Variants in ANTXR1 observed in about 807,000 individuals in gnomAD.
The protein encoded by ANTXR1 is anthrax toxin receptor 1.
A neutral mutation model predicts 78.1 loss-of-function variants in ANTXR1; 19 were observed. That is an observed-to-expected ratio of 0.24 (90% CI 0.17 to 0.36). ANTXR1 has a LOEUF of 0.36. ANTXR1 is among the 10% of genes least tolerant of loss of function. The probability of loss-of-function intolerance (pLI) is 1.00; values close to 1 mark genes in which losing one functional copy is unlikely to be tolerated. For missense variants in ANTXR1, 518 were observed against 718.6 expected (o/e 0.72, Z 3.19); for synonymous variants, 273 against 260.5 (o/e 1.05, Z -0.46).
At chr2:69,043,815 G>A (rs771381312) in intron 2 of ANTXR1, among the ~76,000 whole-genome samples, 65 of 152,152 alleles carry the variant, frequency 4.3e-4, no homozygotes, top group Non-Finnish European at 8.2e-4. Flanking sequence ...AATTGTAGTG[G>A]TCAGACGATT....
At chr2:69,049,568 C>T (rs1305830201) in intron 3 of ANTXR1, among the ~76,000 whole-genome samples, 1 of 152,160 alleles carries the variant, frequency 6.6e-6, no homozygotes, top group African/African-American at 2.4e-5. Flanking sequence ...CCTCGGCCTT[C>T]CAAAGTGCTG....
intron 1 of ANTXR1, among the ~76,000 whole-genome samples, chr2:69,032,295 T>C (rs1671551513): frequency 6.6e-6 from 1 of 152,198 alleles, no homozygotes; most frequent in Non-Finnish European, 1.5e-5. Context: ...ATCATTGCAG[T>C]GAAGGCAATG....
chr2:69,225,570 AC>A (rs1380574847), intron 17 of ANTXR1, among the ~76,000 whole-genome samples: 6 of 152,190 alleles, frequency 3.9e-5, no homozygotes, highest in African/African-American at 1.4e-4. Context: ...TAGGAAGAAG[AC>A]ACCTCAAGGC....
chr2:69,161,958 T>C (rs1673693526), intron 13 of ANTXR1, among the ~76,000 whole-genome samples: 1 of 152,102 alleles, frequency 6.6e-6, no homozygotes, highest in African/African-American at 2.4e-5. Context: ...AAGACCTTTG[T>C]CATCTAAATA....
chr2:69,090,047 A>G (rs963202761), intron 8 of ANTXR1, among the ~76,000 whole-genome samples: 4 of 152,088 alleles, frequency 2.6e-5, no homozygotes, highest in South Asian at 4.2e-4. Context: ...ACTCAACCCT[A>G]TAAGACTCAT....
rs551617780 is a variant in ANTXR1 at position 69,053,098 on chromosome 2, G to A, written c.296+8285G>A. Among the ~76,000 whole-genome samples, 15 of 152,176 alleles carry A rather than the reference G, an allele frequency of 9.9e-5. No individual in the cohort carries two copies. The South Asian group carries it at 2.7e-3, about 27-fold the overall frequency. On this transcript the variant is annotated intron_variant, in intron 3 of 17. Coordinates refer to ENST00000303714, the MANE Select transcript of ANTXR1 (RefSeq NM_032208.3). The stretch of plus-strand genomic sequence containing the variant: ...TTTTTATATGACTTTATTTCAAAGG[G>A]GGATATTTTCTCAAATTCCTAAAAT...
At chr2:69,060,555 G>A (rs1250980572) in intron 3 of ANTXR1, among the ~76,000 whole-genome samples, 1 of 152,214 alleles carries the variant, frequency 6.6e-6, no homozygotes, top group Non-Finnish European at 1.5e-5. Context: ...AGGTGGTAAG[G>A]TAGAAGGAGA....
At chr2:69,064,505 C>T (rs940061652) in intron 3 of ANTXR1, among the ~76,000 whole-genome samples, 2 of 152,116 alleles carry the variant, frequency 1.3e-5, no homozygotes, top group South Asian at 4.1e-4. Context: ...ACATGCACAG[C>T]CAGTATGGGA....
At chr2:69,188,147 G>T (rs981357230) in intron 16 of ANTXR1, among the ~76,000 whole-genome samples, 3 of 151,342 alleles carry the variant, frequency 2.0e-5, no homozygotes, top group Non-Finnish European at 2.9e-5. Flanking sequence ...TTGTTCTGTC[G>T]CCCAGGCTGT....
chr2:69,108,602 G>T (rs1671884967), intron 10 of ANTXR1, among the ~76,000 whole-genome samples: 1 of 151,974 alleles, frequency 6.6e-6, no homozygotes, highest in Non-Finnish European at 1.5e-5. Flanking sequence ...TATTTTTCCT[G>T]ATCTTCTCTC....
intron 3 of ANTXR1, among the ~76,000 whole-genome samples, chr2:69,054,701 C>G (rs1670020553): frequency 1.3e-5 from 2 of 152,166 alleles, no homozygotes; most frequent in Admixed American, 6.5e-5. Flanking sequence ...GAAGACATCA[C>G]TTGATTCCTG....
chr2:69,188,996 T>C (rs545049334), intron 16 of ANTXR1, among the ~76,000 whole-genome samples: 1 of 152,330 alleles, frequency 6.6e-6, no homozygotes, highest in East Asian at 1.9e-4. Flanking sequence ...TTGAGAGTTA[T>C]TTTTTATTCT....
intron 17 of ANTXR1, among the ~76,000 whole-genome samples, chr2:69,235,717 T>G (rs75226239): frequency 0.034 from 4,937 of 143,590 alleles, 340 homozygotes; most frequent in African/African-American, 0.13. Context: ...CCACATAAAC[T>G]TATTTAACTT....
intron 8 of ANTXR1, among the ~76,000 whole-genome samples, chr2:69,084,868 T>G (rs1268205008): frequency 6.8e-6 from 1 of 148,002 alleles, no homozygotes; most frequent in Non-Finnish European, 1.5e-5. Context: ...TTTTTTTTTT[T>G]TTGAGGCAGA....
chr2:69,208,448 A>T (rs1674958915), intron 17 of ANTXR1, among the ~76,000 whole-genome samples: 1 of 152,198 alleles, frequency 6.6e-6, no homozygotes, highest in Admixed American at 6.5e-5. Flanking sequence ...TATACTCTGG[A>T]TTTTCAGGGA....
chr2:69,095,788 C>G (rs944097134), intron 9 of ANTXR1, among the ~76,000 whole-genome samples: 1 of 152,180 alleles, frequency 6.6e-6, no homozygotes, highest in Non-Finnish European at 1.5e-5. Context: ...AAACCTCCTC[C>G]GGGTCTCCTT....
intron 12 of ANTXR1, among the ~76,000 whole-genome samples, chr2:69,144,712 T>A (rs1048883581): frequency 2.6e-5 from 4 of 152,246 alleles, no homozygotes; most frequent in African/African-American, 9.6e-5. Flanking sequence ...TCATGTTAAA[T>A]GCTTACAAGA....
intron 17 of ANTXR1, among the ~76,000 whole-genome samples, chr2:69,231,385 G>A (rs1009272789): frequency 2.6e-5 from 4 of 151,612 alleles, no homozygotes; most frequent in African/African-American, 4.8e-5. Flanking sequence ...AGCACAGATC[G>A]GGATCCTTCG....
chr2:69,017,320 C>G (rs924402048), intron 1 of ANTXR1, among the ~76,000 whole-genome samples: 1 of 152,168 alleles, frequency 6.6e-6, no homozygotes, highest in Non-Finnish European at 1.5e-5. Context: ...AATGCTGACT[C>G]ATTTTTTCCT....
Sources: gnomAD v4.1 joint callset for allele counts (sites outside exome capture counted in the v4.1 genomes callset) on GRCh38, gnomAD v4.1.1 for gene constraint, MANE v1.5 for transcripts, NCBI Gene and HGNC (gene_info 2026-07-23, HGNC 2026-07-21) for gene names.